Variants in IQCM observed in about 807,000 individuals in gnomAD.
IQCM encodes IQ motif containing M.
A neutral mutation model predicts 57.6 loss-of-function variants in IQCM; 45 were observed. That is an observed-to-expected ratio of 0.78 (90% CI 0.62 to 1.00). The LOEUF is 1.00. Among genes scored for constraint, IQCM ranks in the 50% least tolerant of loss-of-function variants. IQCM has a pLI of 0.00. For synonymous variants in IQCM, 148 were observed against 158.9 expected (o/e 0.93, Z 0.51); for missense variants, 468 against 511.6 (o/e 0.91, Z 0.82).
At chr4:149,407,560 G>T (rs1047461147) in intron 13 of IQCM, among the ~76,000 whole-genome samples, 17 of 151,522 alleles carry the variant, frequency 1.1e-4, no homozygotes, top group South Asian at 2.1e-4. Context: ...AAGTGGAAAC[G>T]GATTTTTTTT....
At chr4:149,622,793 C>A (rs2726771) in intron 7 of IQCM, among the ~76,000 whole-genome samples, 1 of 151,916 alleles carries the variant, frequency 6.6e-6, no homozygotes, top group African/African-American at 2.4e-5. Context: ...CAAAGAATTC[C>A]CCAGCTCATG....
chr4:149,754,000 A>T (rs2149943403), intron 2 of IQCM, among the ~76,000 whole-genome samples: 1 of 152,236 alleles, frequency 6.6e-6, no homozygotes, highest in African/African-American at 2.4e-5. Context: ...TAAGCTGATT[A>T]TCTCCAATTT....
At chr4:149,448,466 A>C (rs1179233562) in intron 12 of IQCM, among the ~76,000 whole-genome samples, 1 of 151,576 alleles carries the variant, frequency 6.6e-6, no homozygotes, top group East Asian at 1.9e-4. Context: ...AGTAAATGAA[A>C]CCCAGAAAAT....
chr4:149,421,177 G>A (rs1560821168), intron 13 of IQCM, among the ~76,000 whole-genome samples: 1 of 152,016 alleles, frequency 6.6e-6, no homozygotes, highest in Non-Finnish European at 1.5e-5. Context: ...TCTCTACATT[G>A]CTACAGATTC....
intron 8 of IQCM, among the ~76,000 whole-genome samples, chr4:149,609,882 A>G (rs971320865): frequency 6.6e-6 from 1 of 151,472 alleles, no homozygotes; most frequent in Non-Finnish European, 1.5e-5. Context: ...TAAGTCTTAG[A>G]CGGAGTATTT....
At chr4:149,408,067 C>T (rs1298360929) in intron 13 of IQCM, among the ~76,000 whole-genome samples, 1 of 152,004 alleles carries the variant, frequency 6.6e-6, no homozygotes, top group Non-Finnish European at 1.5e-5. Flanking sequence ...TTCTTATTTG[C>T]ATTTCTCTGA....
intron 7 of IQCM, among the ~76,000 whole-genome samples, chr4:149,651,215 T>C (rs567194575): frequency 1.3e-5 from 2 of 152,206 alleles, no homozygotes; most frequent in South Asian, 4.1e-4. Flanking sequence ...AGCAAATCCA[T>C]TTGAGAAAAA....
chr4:149,611,189 TA>T (rs947128654), intron 8 of IQCM, among the ~76,000 whole-genome samples: 4 of 151,666 alleles, frequency 2.6e-5, no homozygotes, highest in Non-Finnish European at 5.9e-5. Flanking sequence ...TGGCTTTTAC[TA>T]AAAAAAATGG....
chr4:149,594,792 C>G (rs1188939016), intron 8 of IQCM, among the ~76,000 whole-genome samples: 1 of 152,130 alleles, frequency 6.6e-6, no homozygotes, highest in Non-Finnish European at 1.5e-5. Context: ...ATCCTGAGTT[C>G]TAGTTTGATT....
intron 2 of IQCM, among the ~76,000 whole-genome samples, chr4:149,810,270 G>T (rs1307175236): frequency 6.6e-6 from 1 of 150,722 alleles, no homozygotes; most frequent in African/African-American, 2.4e-5. Context: ...GCTGAGGCAG[G>T]AGGATTGTTT....
chr4:149,452,239 A>G (rs190507984), intron 12 of IQCM, among the ~76,000 whole-genome samples: 1 of 151,706 alleles, frequency 6.6e-6, no homozygotes, highest in East Asian at 1.9e-4. Context: ...TTATCAAAAT[A>G]CTCAATATTG....
chr4:149,800,310 A>G (rs1339838111), intron 2 of IQCM, among the ~76,000 whole-genome samples: 1 of 151,968 alleles, frequency 6.6e-6, no homozygotes, highest in Non-Finnish European at 1.5e-5. Context: ...CTTCATAAAT[A>G]AAAGCCTGCA....
At chr4:149,763,025 G>A (rs1021567437) in intron 2 of IQCM, among the ~76,000 whole-genome samples, 1 of 151,942 alleles carries the variant, frequency 6.6e-6, no homozygotes, top group Non-Finnish European at 1.5e-5. Context: ...TACTCCACAA[G>A]AAGTTAAATT....
chr4:149,671,342 T>C (rs1357923296), intron 7 of IQCM, among the ~76,000 whole-genome samples: 2 of 152,200 alleles, frequency 1.3e-5, no homozygotes, highest in Non-Finnish European at 2.9e-5. Flanking sequence ...CCTTTATCAT[T>C]TTTTATTGTG....
At chr4:149,807,944 A>G (rs1774228823) in intron 2 of IQCM, among the ~76,000 whole-genome samples, 1 of 152,148 alleles carries the variant, frequency 6.6e-6, no homozygotes, top group Non-Finnish European at 1.5e-5. Context: ...CGTGGAGAAA[A>G]GCTACCACTT....
intron 5 of IQCM, among the ~76,000 whole-genome samples, chr4:149,693,595 C>A (rs1462397182): frequency 6.6e-6 from 1 of 152,182 alleles, no homozygotes; most frequent in East Asian, 1.9e-4. Flanking sequence ...CTGAATCCAA[C>A]CATGAAACTC....
chr4:149,351,957 A>C lies in IQCM; in HGVS notation c.1500T>G (p.Val500=). The C allele has an allele frequency of 2.5e-6, 1 of 398,994 alleles. No individual in the cohort carries two copies. Among genetic ancestry groups the C allele is most frequent in the East Asian group, 3.6e-5 (1 of 28,050 alleles). 24.7% of individuals were successfully genotyped at this position (398,994 alleles called of 1,614,324 possible). The stretch of plus-strand genomic sequence containing the variant: ...TAATAATATGTTGGAAACATCATTC[A>C]ACTTTACATGACTTATAATGTTGTC... ...KMRQHYKSCK[V]E Residue 500 remains valine, a synonymous_variant, in exon 14 of 14, where the codon GTT becomes GTG. Coordinates refer to ENST00000636793, the MANE Select transcript of IQCM (RefSeq NM_001363507.2).
At chr4:149,814,196 G>A (rs1271940829) in intron 2 of IQCM, among the ~76,000 whole-genome samples, 1 of 151,884 alleles carries the variant, frequency 6.6e-6, no homozygotes, top group Non-Finnish European at 1.5e-5. Flanking sequence ...AAAATACAGA[G>A]AATTATGTTT....
In IQCM at chr4:149,563,700, T is replaced by C. The variant is rs1750348736; in HGVS notation, c.940A>G (p.Met314Val). 3.2e-6 allele frequency: 4 copies of C among 1,231,668 alleles called. No individual in the cohort carries two copies. The South Asian group carries it at 1.2e-4, about 38-fold the overall frequency. The allele number at this position is 1,231,668 out of a possible 1,614,324, so 76.3% of individuals were successfully genotyped here. A position where few individuals can be genotyped will look rare whatever the true frequency, so the allele number is the denominator to read the frequency against. The part of the protein sequence containing the change: ...WLERKRLQRV[M>V]TKALDHGPDM... Reference sequence around the variant, plus strand: ...TCTGATGGATATCTTACCTTGGTCATTACTCTTTGCAATCTTTTCCGTTCA... The same window carrying C: ...TCTGATGGATATCTTACCTTGGTCACTACTCTTTGCAATCTTTTCCGTTCA... The change falls in exon 10 of 14, where the codon ATG becomes GTG. Residue 314 changes from methionine (M) to valine (V), a missense_variant. Met to Val is a conservative substitution (Grantham distance 21). Transcript: ENST00000636793.
Sources: gnomAD v4.1 joint callset for allele counts (sites outside exome capture counted in the v4.1 genomes callset) on GRCh38, gnomAD v4.1.1 for gene constraint, MANE v1.5 for transcripts, NCBI Gene and HGNC (gene_info 2026-07-23, HGNC 2026-07-21) for gene names.